The following DENND1A variants were observed in gnomAD, a reference collection of about 807,000 sequenced individuals.
The protein encoded by DENND1A is DENN domain containing 1A.
Under a neutral mutation model 113.7 loss-of-function variants are expected in DENND1A, and 51 were observed. The ratio of observed to expected loss-of-function variants is 0.45; its 90% CI spans 0.36 to 0.57. The LOEUF (loss-of-function observed/expected upper bound fraction) is 0.57, where lower values mean the gene tolerates loss of function less well. Ranked by LOEUF, DENND1A falls within the 20% of genes least tolerant of loss-of-function variation. The probability of loss-of-function intolerance (pLI) is 0.00; values close to 1 mark genes in which losing one functional copy is unlikely to be tolerated. For synonymous variants in DENND1A, 565 were observed against 570.8 expected (o/e 0.99, Z 0.14); for missense variants, 1,258 against 1,395.9 (o/e 0.90, Z 1.57).
chr9:123,743,860 T>C (rs2131154024), intron 5 of DENND1A, among the ~76,000 whole-genome samples: 1 of 152,268 alleles, frequency 6.6e-6, no homozygotes, highest in Non-Finnish European at 1.5e-5. Context: ...AAAGGTGACA[T>C]GACATGTTTT....
intron 21 of DENND1A, among the ~76,000 whole-genome samples, chr9:123,388,621 T>TA (rs2042685669): frequency 6.6e-6 from 1 of 152,216 alleles, no homozygotes; most frequent in South Asian, 2.1e-4. Flanking sequence ...GGAAATTAAA[T>TA]ATTCATTGTT....
At chr9:123,512,904 G>C (rs2053578108) in intron 13 of DENND1A, among the ~76,000 whole-genome samples, 1 of 152,218 alleles carries the variant, frequency 6.6e-6, no homozygotes, top group East Asian at 1.9e-4. Flanking sequence ...TAAATTAAAT[G>C]AGATGTGAGG....
chr9:123,721,255 A>G (rs938169523), intron 5 of DENND1A, among the ~76,000 whole-genome samples: 3 of 152,298 alleles, frequency 2.0e-5, no homozygotes, highest in African/African-American at 2.4e-5. Context: ...CCACCACATG[A>G]CCTGTGAGGT....
chr9:123,675,637 G>A lies in DENND1A; in HGVS notation c.372+1083C>T, dbSNP rs573762378. ...AAAAATATAAGACATTAGATATATAGACAAATATCCAACTCATTAATAATC... is the reference window on the plus strand; with the variant it reads ...AAAAATATAAGACATTAGATATATAAACAAATATCCAACTCATTAATAATC... On this transcript the variant is annotated intron_variant, in intron 6 of 23. Coordinates refer to ENST00000394215, the MANE Select transcript of DENND1A (RefSeq NM_001352964.2). Among the ~76,000 whole-genome samples the A allele has an allele frequency of 1.3e-3, 194 of 152,204 alleles. 1 individual carries two copies. Among genetic ancestry groups the A allele is most frequent in the African/African-American group, 4.5e-3 (186 of 41,498 alleles).
chr9:123,900,074 G>A (rs1194652925), intron 1 of DENND1A, among the ~76,000 whole-genome samples: 1 of 152,138 alleles, frequency 6.6e-6, no homozygotes, highest in Non-Finnish European at 1.5e-5. Context: ...CATAGATAAA[G>A]CACAACATTA....
At chr9:123,792,335 G>C (rs951658429) in intron 3 of DENND1A, among the ~76,000 whole-genome samples, 2 of 152,126 alleles carry the variant, frequency 1.3e-5, no homozygotes, top group African/African-American at 4.8e-5. Context: ...TCAAAGTGAA[G>C]AGTAAAATTT....
At chr9:123,428,309 T>A (rs1465019234) in intron 19 of DENND1A, among the ~76,000 whole-genome samples, 1 of 152,212 alleles carries the variant, frequency 6.6e-6, no homozygotes, top group Non-Finnish European at 1.5e-5. Flanking sequence ...ACCACATGAT[T>A]ATCTCAATAG....
At chr9:123,801,149 G>A (rs1016157693) in intron 2 of DENND1A, among the ~76,000 whole-genome samples, 5 of 152,114 alleles carry the variant, frequency 3.3e-5, no homozygotes, top group African/African-American at 1.2e-4. Context: ...TGAGACTTTT[G>A]TTGTTGTAGT....
chr9:123,468,066 C>T (rs2049101857), intron 13 of DENND1A, among the ~76,000 whole-genome samples: 1 of 152,134 alleles, frequency 6.6e-6, no homozygotes, highest in African/African-American at 2.4e-5. Context: ...GTGGACTGTC[C>T]CCAGCACACT....
intron 10 of DENND1A, among the ~76,000 whole-genome samples, chr9:123,627,739 C>CAAAAAAAAA (rs764341977): frequency 8.6e-5 from 5 of 57,804 alleles, no homozygotes; most frequent in African/African-American, 2.5e-4. Flanking sequence ...AACTCTGTCT[C>CAAAAAAAAA]AAAAAAAAAA....
chr9:123,792,319 C>A (rs893274188), intron 3 of DENND1A, among the ~76,000 whole-genome samples: 3 of 152,188 alleles, frequency 2.0e-5, no homozygotes, highest in Admixed American at 6.5e-5. Context: ...TAGACTGTAG[C>A]AAACCTCAAA....
chr9:123,794,269 G>A (rs1008892653), intron 2 of DENND1A, among the ~76,000 whole-genome samples: 1 of 152,182 alleles, frequency 6.6e-6, no homozygotes, highest in African/African-American at 2.4e-5. Flanking sequence ...ACAGTGAGGG[G>A]AAAGGGGGTG....
intron 8 of DENND1A, among the ~76,000 whole-genome samples, chr9:123,656,190 G>A (rs143659083): frequency 2.0e-5 from 3 of 152,298 alleles, no homozygotes; most frequent in African/African-American, 7.2e-5. Context: ...TCCAGGCAGA[G>A]GCAAAGACAG....
chr9:123,475,941 T>C (rs2049875143), intron 13 of DENND1A, among the ~76,000 whole-genome samples: 1 of 152,156 alleles, frequency 6.6e-6, no homozygotes, highest in Admixed American at 6.5e-5. Context: ...CCCAGCACTT[T>C]GGGAGGCCAA....
chr9:123,472,433 G>A (rs1364449680), intron 13 of DENND1A, among the ~76,000 whole-genome samples: 2 of 152,152 alleles, frequency 1.3e-5, no homozygotes, highest in Non-Finnish European at 2.9e-5. Flanking sequence ...GGAGTTGCTG[G>A]TTCCCCTCTT....
rs564130602 is a variant in DENND1A, at chr9:123,482,397, C to T, written c.994-24500G>A. ...ACAGGCGTGAACCACCGCACCCGGC[C>T]CATTATCTTTATTTTTTAACACAAA... On this transcript the variant is annotated intron_variant, in intron 13 of 23. Transcript: ENST00000394215. 2.2e-4 allele frequency among the ~76,000 whole-genome samples: 33 copies of T among 152,314 alleles called. 1 individual carries two copies. In the South Asian group the frequency reaches 6.6e-3, roughly 31 times the overall value.
chr9:123,412,550 G>A lies in DENND1A; in HGVS notation c.1489-721C>T, dbSNP rs550491289. Among the ~76,000 whole-genome samples, 290 of 152,340 alleles carry A rather than the reference G, an allele frequency of 1.9e-3. 2 individuals carry two copies. The highest frequency in any genetic ancestry group is 3.4e-3 in the Middle Eastern group (1 of 294). ...TGGGGAAAAAATCTGCTCAACAAGC[G>A]TCTGATGAACAAATAAAATTTGTCC... On this transcript the variant is annotated intron_variant, in intron 19 of 23. Coordinates refer to ENST00000394215, the MANE Select transcript of DENND1A (RefSeq NM_001352964.2).
intron 5 of DENND1A, among the ~76,000 whole-genome samples, chr9:123,698,455 G>A (rs1413817518): frequency 1.3e-5 from 2 of 152,138 alleles, no homozygotes; most frequent in Admixed American, 1.3e-4. Context: ...TGCTCATTAG[G>A]CAATACTACC....
Position 123,916,562 on chromosome 9 carries a change from G to A in DENND1A, c.17+13327C>T, listed in dbSNP as rs1027371589. 5.6e-4 allele frequency among the ~76,000 whole-genome samples: 85 copies of A among 152,006 alleles called. 1 individual carries two copies. The highest frequency in any genetic ancestry group is 1.9e-3 in the African/African-American group (77 of 41,514). On this transcript the variant is annotated intron_variant, in intron 1 of 23. Coordinates refer to ENST00000394215, the MANE Select transcript of DENND1A (RefSeq NM_001352964.2). ...TTATTTTTGTATTTTTAGTAGAGAC[G>A]GGGTTTCTCCATGTGGGTCAGGCTG... is the stretch of plus-strand genomic sequence containing the variant.
Sources: gnomAD v4.1 joint callset for allele counts (sites outside exome capture counted in the v4.1 genomes callset) on GRCh38, gnomAD v4.1.1 for gene constraint, MANE v1.5 for transcripts, NCBI Gene and HGNC (gene_info 2026-07-23, HGNC 2026-07-21) for gene names.